LMF1: variants seen among roughly 807,000 people sequenced by gnomAD.
LMF1 encodes lipase maturation factor 1.
LMF1 carries 68 observed loss-of-function variants against 60.6 expected under a neutral mutation model. The observed-to-expected ratio is 1.12, with a 90% CI of 0.92 to 1.37. The LOEUF (loss-of-function observed/expected upper bound fraction) is 1.37, where lower values mean the gene tolerates loss of function less well. Among genes scored for constraint, LMF1 ranks in the 40% most tolerant of loss-of-function variants. LMF1 has a pLI of 0.00. For synonymous variants in LMF1, 418 were observed against 324.7 expected (o/e 1.29, Z -3.09); for missense variants, 948 against 767.2 (o/e 1.24, Z -2.78).
intron 2 of LMF1, among the ~76,000 whole-genome samples, chr16:939,298 C>T (rs753392841): frequency 3.9e-5 from 6 of 152,238 alleles, no homozygotes; most frequent in African/African-American, 7.2e-5. Flanking sequence ...TGGCGGCACC[C>T]GTCCACCACG....
At chr16:931,040 G>C (rs2071767100) in intron 3 of LMF1, among the ~76,000 whole-genome samples, 1 of 152,038 alleles carries the variant, frequency 6.6e-6, no homozygotes, top group Non-Finnish European at 1.5e-5. Context: ...AGAATCACTT[G>C]AACCCAGGAG....
intron 3 of LMF1, among the ~76,000 whole-genome samples, chr16:922,729 G>T (rs28489520): frequency 1.5e-5 from 2 of 133,386 alleles, no homozygotes; most frequent in South Asian, 2.8e-4. Context: ...CTGGGTTTTC[G>T]GGTGTGATGT....
At chr16:963,618 C>T (rs72769427) in intron 1 of LMF1, among the ~76,000 whole-genome samples, 4,561 of 152,162 alleles carry the variant, frequency 0.03, 93 homozygotes, top group South Asian at 0.12. Flanking sequence ...CAGGGCCCAG[C>T]CTTCATTGGT....
chr16:893,964 A>C, intron 4 of LMF1, among the ~76,000 whole-genome samples: 1 of 151,884 alleles, frequency 6.6e-6, no homozygotes, highest in African/African-American at 2.4e-5. Context: ...CTCCCGGCCA[A>C]ATCCCCTGGG....
At chr16:933,750 C>T (rs1199034856) in intron 3 of LMF1, 1 of 354,090 alleles carries the variant, frequency 2.8e-6, no homozygotes, top group Admixed American at 3.9e-5. Flanking sequence ...CCTCCCGGCC[C>T]TGTCCTGTCC....
chr16:970,223 G>C (rs1205685620), intron 1 of LMF1, among the ~76,000 whole-genome samples: 3 of 152,270 alleles, frequency 2.0e-5, no homozygotes, highest in Admixed American at 2.0e-4. Context: ...TGGGAGACGC[G>C]AAGGAGGCTC....
chr16:860,764 T>TAA (rs112436467), intron 10 of LMF1, among the ~76,000 whole-genome samples: 2 of 151,950 alleles, frequency 1.3e-5, no homozygotes, highest in African/African-American at 4.8e-5. Context: ...TGCGCTTTTG[T>TAA]AAAAAAAACT....
In LMF1 at chr16:869,963, C is replaced by T; in HGVS notation, c.1336G>A (p.Gly446Ser). 5 of 1,613,358 alleles carry T rather than the reference C, an allele frequency of 3.1e-6. No individual in the cohort carries two copies. The highest frequency in any genetic ancestry group is 4.2e-6 in the Non-Finnish European group (5 of 1,179,874). Residue 446 changes from glycine (G) to serine (S), a missense_variant, in exon 9 of 11, where the codon GGT (glycine) becomes AGT (serine). Physicochemically the swap from Gly to Ser is moderately conservative, Grantham distance 56 (BLOSUM62 0). Coordinates refer to ENST00000262301, the MANE Select transcript of LMF1 (RefSeq NM_022773.4). Reference protein sequence around the residue: ...WEDYEFKCKPGDPSRRPCLIS... With the variant: ...WEDYEFKCKPSDPSRRPCLIS... ...AGGCAGGGCCGTCTGCTGGGGTCAC[C>T]TGGCTTGCACTTGAACTCGTAGTCC...
chr16:924,604 G>T (rs1427537029), intron 3 of LMF1, among the ~76,000 whole-genome samples: 1 of 152,148 alleles, frequency 6.6e-6, no homozygotes, highest in Non-Finnish European at 1.5e-5. Flanking sequence ...CACTGTCAGG[G>T]GCAGCCGGGG....
At chr16:890,071 A>AC (rs576666150) in intron 5 of LMF1, among the ~76,000 whole-genome samples, 12 of 151,554 alleles carry the variant, frequency 7.9e-5, no homozygotes, top group East Asian at 5.8e-4. Flanking sequence ...TGTACCTAGG[A>AC]CCCCCCAGTG....
intron 4 of LMF1, among the ~76,000 whole-genome samples, chr16:896,691 C>T (rs2151736359): frequency 6.6e-6 from 1 of 152,352 alleles, no homozygotes; most frequent in South Asian, 2.1e-4. Flanking sequence ...ACCACCGCCA[C>T]TGCTCCCCCC....
At chr16:981,036 C>T (rs1738552457) in intron 1 of LMF1, 2 of 220,266 alleles carry the variant, frequency 9.1e-6, no homozygotes, top group African/African-American at 2.4e-5. Flanking sequence ...CTCCAGCTGG[C>T]CGGCCCCCGG....
chr16:879,808 G>T, intron 5 of LMF1, 71 bp from the exon 6 acceptor site: 1 of 1,456,374 alleles, frequency 6.9e-7, no homozygotes. Flanking sequence ...AGGCTTGTGG[G>T]TCCCTGGCCC....
chr16:948,447 G>C (rs1303994489), intron 2 of LMF1, among the ~76,000 whole-genome samples: 1 of 149,966 alleles, frequency 6.7e-6, no homozygotes, highest in Admixed American at 6.7e-5. Context: ...GACAGAGTCA[G>C]AGACAACGAC....
intron 1 of LMF1, 96 bp from the exon 2 acceptor site, chr16:954,762 A>G: frequency 1.6e-5 from 19 of 1,163,712 alleles, no homozygotes; most frequent in Non-Finnish European, 2.2e-5. Context: ...GCAGGCGGGA[A>G]GGGGAGGCAG....
chr16:880,908 C>A lies in LMF1; in HGVS notation c.730-1171G>T, dbSNP rs551760364. Among the ~76,000 whole-genome samples, 27 of 152,368 alleles carry A rather than the reference C, an allele frequency of 1.8e-4. 1 individual carries two copies. The highest frequency in any genetic ancestry group is 6.0e-4 in the African/African-American group (25 of 41,584). The stretch of plus-strand genomic sequence containing the variant: ...TTGCCTTTGTGGAGGGGCCTGCCCG[C>A]ATGCTGCTCAGGGCTGAAGGCCTTG... On this transcript the variant is annotated intron_variant, in intron 5 of 10. Transcript: ENST00000262301.
chr16:921,748 C>T (rs573545016), intron 3 of LMF1, among the ~76,000 whole-genome samples: 40 of 152,278 alleles, frequency 2.6e-4, no homozygotes, highest in African/African-American at 9.1e-4. Flanking sequence ...ACGGGGGACA[C>T]GGGCGAGGAG....
rs1009050022 is a variant in LMF1, at chr16:853,724, G to A, written c.*808C>T. 8.8e-6 allele frequency: 4 copies of A among 454,034 alleles called. No individual in the cohort carries two copies. Among genetic ancestry groups the A allele is most frequent in the African/African-American group, 8.0e-5 (4 of 50,014 alleles). 28.1% of individuals were successfully genotyped at this position (454,034 alleles called of 1,614,324 possible). ...AGAATAGGAATAAGAAAAATGTGCA[G>A]TAGACGCTGTTTGTCCGACGATGAT... On this transcript the variant is annotated 3_prime_UTR_variant, in exon 11 of 11. Transcript: ENST00000262301.
chr16:919,852 T>G (rs987711516), intron 3 of LMF1, among the ~76,000 whole-genome samples: 2 of 152,048 alleles, frequency 1.3e-5, no homozygotes, highest in Non-Finnish European at 1.5e-5. Context: ...GCATCCACAA[T>G]GGGCTCCCCA....
Sources: allele counts gnomAD v4.1 joint callset (sites outside exome capture counted in the v4.1 genomes callset), GRCh38; gene constraint gnomAD v4.1.1; transcripts MANE v1.5; gene names NCBI Gene and HGNC (gene_info 2026-07-23, HGNC 2026-07-21).